The following C8orf34 variants were observed in gnomAD, a reference collection of about 807,000 sequenced individuals.
C8orf34 encodes the protein uncharacterized protein C8orf34.
A neutral mutation model predicts 68.3 loss-of-function variants in C8orf34; 65 were observed. The ratio of observed to expected loss-of-function variants is 0.95; its 90% CI spans 0.78 to 1.17. The LOEUF (loss-of-function observed/expected upper bound fraction) is 1.17. C8orf34 is among the 50% of genes most tolerant of loss of function. The probability of loss-of-function intolerance (pLI) is 0.00; values close to 1 mark genes in which losing one functional copy is unlikely to be tolerated. For missense variants in C8orf34, 664 were observed against 655.4 expected, an observed-to-expected ratio of 1.01 and a Z score of -0.14; for synonymous variants, 244 against 241.2, an observed-to-expected ratio of 1.01 and a Z score of -0.11.
At chr8:68,625,460 A>G in intron 7 of C8orf34, 1 of 563,596 alleles carries the variant, frequency 1.8e-6, no homozygotes, top group Admixed American at 2.9e-5. Context: ...CAACTCTCCA[A>G]GAAAATGAAA....
chr8:68,470,248 T>TG (rs1812325669), intron 4 of C8orf34, among the ~76,000 whole-genome samples: 1 of 152,070 alleles, frequency 6.6e-6, no homozygotes, highest in African/African-American at 2.4e-5. Context: ...TCTTACCATT[T>TG]GGGGCAGAGC....
At chr8:68,631,486 G>C (rs1419244272) in intron 7 of C8orf34, among the ~76,000 whole-genome samples, 4 of 152,070 alleles carry the variant, frequency 2.6e-5, no homozygotes, top group Admixed American at 2.6e-4. Flanking sequence ...TATAATCATT[G>C]ATTATCTCCC....
At chr8:68,722,756 C>T (rs1821711167) in intron 10 of C8orf34, among the ~76,000 whole-genome samples, 1 of 151,882 alleles carries the variant, frequency 6.6e-6, no homozygotes, top group Non-Finnish European at 1.5e-5. Context: ...AGAGGAGTAC[C>T]TACACACAGT....
intron 1 of C8orf34, among the ~76,000 whole-genome samples, chr8:68,411,363 C>T (rs1316589097): frequency 2.0e-5 from 3 of 152,054 alleles, no homozygotes; most frequent in Non-Finnish European, 2.9e-5. Flanking sequence ...ATATGTAAAA[C>T]TAGTCATGAA....
rs181501680 is a variant in C8orf34 at position 68,750,923 on chromosome 8, A to C, written c.1405-25476A>C. The stretch of plus-strand genomic sequence containing the variant: ...CAAGCTCTAAAAGATTAACACATTC[A>C]TAGTCACAGAGCTCATAAATGCTGA... On this transcript the variant is annotated intron_variant, in intron 10 of 13. Coordinates refer to ENST00000518698, the MANE Select transcript of C8orf34 (RefSeq NM_052958.4). Among the ~76,000 whole-genome samples, 110 of 152,280 alleles carry C rather than the reference A, an allele frequency of 7.2e-4. 6 individuals are homozygous for C. In the East Asian group the frequency reaches 0.015, roughly 21 times the overall value.
At chr8:68,772,256 G>A (rs1324218797) in intron 10 of C8orf34, among the ~76,000 whole-genome samples, 2 of 152,172 alleles carry the variant, frequency 1.3e-5, no homozygotes, top group African/African-American at 2.4e-5. Context: ...GTGAATAAAT[G>A]TACCCTACAC....
intron 4 of C8orf34, among the ~76,000 whole-genome samples, chr8:68,469,392 T>G (rs929658766): frequency 6.6e-6 from 1 of 152,036 alleles, no homozygotes; most frequent in Non-Finnish European, 1.5e-5. Context: ...CCATGTGCCT[T>G]GGTCCGCTCA....
chr8:68,759,539 T>C (rs1822967240), intron 10 of C8orf34, among the ~76,000 whole-genome samples: 1 of 152,240 alleles, frequency 6.6e-6, no homozygotes, highest in African/African-American at 2.4e-5. Context: ...TCTCAAAAGA[T>C]TTCTTAGCTG....
chr8:68,734,174 G>T (rs1367021987), intron 10 of C8orf34, among the ~76,000 whole-genome samples: 1 of 152,124 alleles, frequency 6.6e-6, no homozygotes. Flanking sequence ...TCAAGAAAAG[G>T]TAATCAAGAA....
intron 5 of C8orf34, among the ~76,000 whole-genome samples, chr8:68,494,429 G>A (rs1187044938): frequency 6.6e-6 from 1 of 152,182 alleles, no homozygotes; most frequent in Non-Finnish European, 1.5e-5. Flanking sequence ...CAAGGTGAAA[G>A]ATGTCTGCCC....
intron 5 of C8orf34, among the ~76,000 whole-genome samples, chr8:68,498,590 G>C (rs1440613015): frequency 1.3e-5 from 2 of 152,124 alleles, no homozygotes; most frequent in African/African-American, 4.8e-5. Context: ...ATTATAATGA[G>C]ACTGTTGTGT....
intron 1 of C8orf34, among the ~76,000 whole-genome samples, chr8:68,380,947 T>G (rs1241046238): frequency 6.6e-6 from 1 of 152,180 alleles, no homozygotes; most frequent in Non-Finnish European, 1.5e-5. Flanking sequence ...ATTAATAAGT[T>G]AGATGATAAA....
chr8:68,383,336 GCCCCATTT>G (rs1808122345), intron 1 of C8orf34, among the ~76,000 whole-genome samples: 1 of 152,144 alleles, frequency 6.6e-6, no homozygotes, highest in African/African-American at 2.4e-5. Context: ...GTGTCCTCTA[GCCCCATTT>G]CCCCATTTCC....
intron 8 of C8orf34, among the ~76,000 whole-genome samples, chr8:68,663,860 T>C (rs1051647127): frequency 6.6e-6 from 1 of 152,218 alleles, no homozygotes; most frequent in African/African-American, 2.4e-5. Flanking sequence ...TAATGCTCAC[T>C]GCAAAATAGA....
intron 7 of C8orf34, among the ~76,000 whole-genome samples, chr8:68,624,271 C>CA (rs35851704): frequency 0.036 from 2,916 of 80,710 alleles, 61 homozygotes; most frequent in African/African-American, 0.082. Flanking sequence ...GGCTCTGTCT[C>CA]AAAAAAAAAA....
At chr8:68,636,452 G>A (rs889487562) in intron 7 of C8orf34, among the ~76,000 whole-genome samples, 9 of 151,930 alleles carry the variant, frequency 5.9e-5, no homozygotes, top group Non-Finnish European at 1.2e-4. Context: ...AGGTGTCGTG[G>A]TATGTGCTTG....
At chr8:68,383,259 C>A (rs1050896200) in intron 1 of C8orf34, among the ~76,000 whole-genome samples, 4 of 152,252 alleles carry the variant, frequency 2.6e-5, no homozygotes, top group Admixed American at 1.3e-4. Flanking sequence ...TTCAACTGTA[C>A]GATGTAGAGC....
intron 4 of C8orf34, among the ~76,000 whole-genome samples, chr8:68,477,994 G>A (rs1282078658): frequency 6.6e-6 from 1 of 152,158 alleles, no homozygotes; most frequent in Non-Finnish European, 1.5e-5. Flanking sequence ...GACCTTTGAT[G>A]GGAGGGGCTG....
intron 12 of C8orf34, among the ~76,000 whole-genome samples, chr8:68,811,357 C>T (rs2129529951): frequency 6.6e-6 from 1 of 152,356 alleles, no homozygotes; most frequent in South Asian, 2.1e-4. Flanking sequence ...GGCAGGTGAT[C>T]TTCCTGGGCC....
Sources: allele counts gnomAD v4.1 joint callset (sites outside exome capture counted in the v4.1 genomes callset), GRCh38; gene constraint gnomAD v4.1.1; transcripts MANE v1.5; gene names NCBI Gene and HGNC (gene_info 2026-07-23, HGNC 2026-07-21).